The following PGM5 variants were observed in gnomAD, a reference collection of about 807,000 sequenced individuals.
PGM5 encodes phosphoglucomutase 5.
Under a neutral mutation model 59.2 loss-of-function variants are expected in PGM5, and 23 were observed. That is an observed-to-expected ratio of 0.39 (90% CI 0.28 to 0.55). The LOEUF (loss-of-function observed/expected upper bound fraction) is 0.55. Ranked by LOEUF, PGM5 falls within the 20% of genes least tolerant of loss-of-function variation. The pLI is 0.66. For synonymous variants in PGM5, 214 were observed against 286.0 expected, an observed-to-expected ratio of 0.75 and a Z score of 2.54; for missense variants, 574 against 748.3, an observed-to-expected ratio of 0.77 and a Z score of 2.72.
intron 6 of PGM5, among the ~76,000 whole-genome samples, chr9:68,415,151 A>G (rs1554681880): frequency 1.3e-5 from 2 of 149,076 alleles, no homozygotes; most frequent in East Asian, 3.9e-4. Flanking sequence ...CTTCCTGTCC[A>G]TTTACTTTCT....
intron 7 of PGM5, among the ~76,000 whole-genome samples, chr9:68,465,735 C>T (rs576548329): frequency 1.2e-4 from 19 of 152,302 alleles, no homozygotes; most frequent in Non-Finnish European, 2.1e-4. Context: ...TTAAATACTT[C>T]ATCCAGTTGT....
Position 68,357,039 on chromosome 9 carries a change from C to T in PGM5, c.-89C>T, listed in dbSNP as rs183111052. The T allele has an allele frequency of 3.9e-3, 5,120 of 1,313,346 alleles. 20 individuals carry two copies. The highest frequency in any genetic ancestry group is 4.7e-3 in the Non-Finnish European group (4,751 of 1,014,446). The allele number at this position is 1,313,346 out of a possible 1,614,324, so 81.4% of individuals were successfully genotyped here. ...GGGGCCCGGGCGCGAGGCGGAGTCC[C>T]GGCGCGCAGCCAGGCTGGTGGAGGC... On this transcript the variant is annotated 5_prime_UTR_variant, in exon 1 of 11. Transcript: ENST00000396396.
intron 1 of PGM5, among the ~76,000 whole-genome samples, chr9:68,365,847 C>T (rs2770890): frequency 6.6e-6 from 1 of 152,156 alleles, no homozygotes; most frequent in Non-Finnish European, 1.5e-5. Flanking sequence ...TGACCAAACA[C>T]ATACGAAATA....
At chr9:68,456,049 C>A (rs1823769446) in intron 6 of PGM5, among the ~76,000 whole-genome samples, 1 of 152,162 alleles carries the variant, frequency 6.6e-6, no homozygotes, top group South Asian at 2.1e-4. Context: ...ATTTCTCTTT[C>A]ACATATAGTG....
chr9:68,477,217 A>C (rs532306611), intron 7 of PGM5, among the ~76,000 whole-genome samples: 1 of 152,338 alleles, frequency 6.6e-6, no homozygotes, highest in East Asian at 1.9e-4. Context: ...GACATCCAAC[A>C]GTGCCATTAG....
At chr9:68,383,269 C>G (rs1410217251) in intron 2 of PGM5, among the ~76,000 whole-genome samples, 2 of 152,078 alleles carry the variant, frequency 1.3e-5, no homozygotes, top group African/African-American at 2.4e-5. Flanking sequence ...CACATACATA[C>G]TTTACATTTT....
In PGM5 at chr9:68,490,496, A is replaced by G. The variant is rs139716714; in HGVS notation, c.1479+6448A>G. ...CAGCCCCCCGAGTAGCTGGGATTAC[A>G]GGCATGCGCCACCATACCCGGCTAA... On this transcript the variant is annotated intron_variant, in intron 9 of 10. Transcript: ENST00000396396. Among the ~76,000 whole-genome samples the G allele has an allele frequency of 6.3e-3, 966 of 152,308 alleles. 12 individuals are homozygous for G. The highest frequency in any genetic ancestry group is 0.021 in the African/African-American group (883 of 41,568).
At chr9:68,505,604 G>T (rs1554688952) in intron 10 of PGM5, among the ~76,000 whole-genome samples, 1 of 152,120 alleles carries the variant, frequency 6.6e-6, no homozygotes, top group Non-Finnish European at 1.5e-5. Flanking sequence ...TATTATAAAG[G>T]CTAGAACCCA....
chr9:68,376,010 G>T (rs1212495373), intron 1 of PGM5, among the ~76,000 whole-genome samples: 1 of 152,250 alleles, frequency 6.6e-6, no homozygotes, highest in Non-Finnish European at 1.5e-5. Flanking sequence ...GGGCGGGAGG[G>T]CGATGGAGAA....
At chr9:68,477,632 A>G (rs1824128250) in intron 7 of PGM5, among the ~76,000 whole-genome samples, 1 of 152,236 alleles carries the variant, frequency 6.6e-6, no homozygotes, top group Admixed American at 6.5e-5. Context: ...AAATTACATG[A>G]ATAACCAAGA....
chr9:68,357,782 T>C (rs370965276), intron 1 of PGM5: 49 of 263,780 alleles, frequency 1.9e-4, no homozygotes, highest in African/African-American at 1.1e-3. Context: ...ACGCATTCAC[T>C]GCCCACAGTC....
intron 10 of PGM5, among the ~76,000 whole-genome samples, chr9:68,522,548 T>C (rs1183197174): frequency 6.6e-6 from 1 of 152,180 alleles, no homozygotes; most frequent in African/African-American, 2.4e-5. Context: ...GATGTTACAT[T>C]TCATATTTTG....
chr9:68,513,171 T>A lies in PGM5; in HGVS notation c.1614+13810T>A, dbSNP rs183816219. On this transcript the variant is annotated intron_variant, in intron 10 of 10. Coordinates refer to ENST00000396396, the MANE Select transcript of PGM5 (RefSeq NM_021965.4). ...AATTTCAAAATTACATTTGTATTTG[T>A]GTATATTTGTATACATAGATGAATT... Among the ~76,000 whole-genome samples, 6 of 152,384 alleles carry A rather than the reference T, an allele frequency of 3.9e-5. No individual in the cohort carries two copies. The East Asian group carries it at 9.6e-4, about 24-fold the overall frequency.
intron 6 of PGM5, among the ~76,000 whole-genome samples, chr9:68,448,944 A>G (rs1169454349): frequency 6.6e-6 from 1 of 152,190 alleles, no homozygotes; most frequent in Non-Finnish European, 1.5e-5. Context: ...ACTATAGTAA[A>G]TTACCATAGA....
rs77867342 is a variant in PGM5, at chr9:68,393,192, A to T, written c.1043+719A>T. ...TAGAAACAGTGTATGTGCCTGGTGG[A>T]AAGTTAGAAAACACAAATAAGAGAA... On this transcript the variant is annotated intron_variant, in intron 6 of 10. Transcript: ENST00000396396. Among the ~76,000 whole-genome samples the T allele has an allele frequency of 0.017, 2,640 of 152,188 alleles. 260 individuals carry two copies. In the East Asian group the frequency reaches 0.29, roughly 17 times the overall value.
intron 10 of PGM5, among the ~76,000 whole-genome samples, chr9:68,504,127 A>G (rs572230578): frequency 9.9e-5 from 15 of 152,268 alleles, no homozygotes; most frequent in African/African-American, 3.6e-4. Flanking sequence ...TGTTTTTAAT[A>G]CCATTCCACA....
intron 6 of PGM5, among the ~76,000 whole-genome samples, chr9:68,442,722 C>G (rs1384707460): frequency 6.6e-6 from 1 of 152,092 alleles, no homozygotes; most frequent in South Asian, 2.1e-4. Flanking sequence ...AAACAGTTAA[C>G]CCAATTAAAA....
intron 6 of PGM5, among the ~76,000 whole-genome samples, chr9:68,438,222 G>A (rs1823469999): frequency 6.9e-6 from 1 of 145,490 alleles, no homozygotes; most frequent in Non-Finnish European, 1.5e-5. Context: ...CCAGGAGGCA[G>A]AGGTTGCAGT....
chr9:68,460,057 T>C (rs1422754956), intron 6 of PGM5, among the ~76,000 whole-genome samples: 1 of 152,126 alleles, frequency 6.6e-6, no homozygotes, highest in Non-Finnish European at 1.5e-5. Flanking sequence ...CATTTGAAGA[T>C]AGAGGAATGG....
Sources: gnomAD v4.1 joint callset for allele counts (sites outside exome capture counted in the v4.1 genomes callset) on GRCh38, gnomAD v4.1.1 for gene constraint, MANE v1.5 for transcripts, NCBI Gene and HGNC (gene_info 2026-07-23, HGNC 2026-07-21) for gene names.